Variants in DNAJC17 observed in about 807,000 individuals in gnomAD.
DNAJC17 encodes dnaJ homolog subfamily C member 17.
Under a neutral mutation model 48.1 loss-of-function variants are expected in DNAJC17, and 35 were observed. That is an observed-to-expected ratio of 0.73 (90% confidence interval 0.56 to 0.96). The LOEUF is 0.96. Ranked by LOEUF, DNAJC17 falls within the 50% of genes least tolerant of loss-of-function variation. The probability of loss-of-function intolerance (pLI) is 0.00; values close to 1 mark genes in which losing one functional copy is unlikely to be tolerated. For missense variants in DNAJC17, 355 were observed against 377.1 expected (o/e 0.94, Z 0.48); for synonymous variants, 117 against 142.7 (o/e 0.82, Z 1.28).
In DNAJC17 at chr15:40,767,315, G is replaced by T; in HGVS notation, c.*625C>A. 1 of 1,603,502 alleles carries T rather than the reference G, an allele frequency of 6.2e-7. No individual in the cohort carries two copies. Among genetic ancestry groups the T allele is most frequent in the Non-Finnish European group, 8.5e-7 (1 of 1,175,376 alleles). ...CGTGTGCTGAGCATGACGGGGGTGG[G>T]CCAGACGCTGGTGTGGTGTCTGCAC... On this transcript the variant is annotated 3_prime_UTR_variant, in exon 11 of 11. Transcript: ENST00000220496.
chr15:40,782,095 A>T (rs1270280888), intron 1 of DNAJC17, among the ~76,000 whole-genome samples: 2 of 152,000 alleles, frequency 1.3e-5, no homozygotes, highest in Non-Finnish European at 2.9e-5. Flanking sequence ...GTGTGGTAGC[A>T]TGTGCCTTTG....
At chr15:40,781,153 G>GAAAA (rs11337976) in intron 1 of DNAJC17, among the ~76,000 whole-genome samples, 1 of 88,992 alleles carries the variant, frequency 1.1e-5, no homozygotes, top group Non-Finnish European at 2.3e-5. Context: ...CTCCATCTCA[G>GAAAA]AAAAAAAAAA....
chr15:40,765,192 A>C lies in DNAJC17; in HGVS notation c.*2748T>G, dbSNP rs1334225384. 2.0e-5 allele frequency: 3 copies of C among 152,230 alleles called. No homozygotes were observed. The highest frequency in any genetic ancestry group is 2.9e-5 in the Non-Finnish European group (2 of 68,046). 9.4% of individuals were successfully genotyped at this position (152,230 alleles called of 1,614,324 possible). On this transcript the variant is annotated 3_prime_UTR_variant, in exon 11 of 11. Coordinates refer to ENST00000220496, the MANE Select transcript of DNAJC17 (RefSeq NM_018163.3). ...AAAAGATATGGCTTTATTGATATGT[A>C]ATGTGCATACCATAAATTCTTTGAT... is the stretch of plus-strand genomic sequence containing the variant.
At chr15:40,793,359 CTG>C (rs1208428134) in intron 1 of DNAJC17, among the ~76,000 whole-genome samples, 3 of 152,188 alleles carry the variant, frequency 2.0e-5, no homozygotes, top group South Asian at 4.2e-4. Flanking sequence ...GAGTATATAA[CTG>C]TGTGAGCTGT....
rs200668576 is a variant in DNAJC17, at chr15:40,767,203, C to G, written c.*737G>C. The stretch of plus-strand genomic sequence containing the variant: ...AGCTTGCTGTGTGCCCCTCCTCACC[C>G]CCCCCATCCTGTCTCTTTGCAGTTA... On this transcript the variant is annotated 3_prime_UTR_variant, in exon 11 of 11. Transcript: ENST00000220496. 6.0e-5 allele frequency: 89 copies of G among 1,474,862 alleles called. No individual in the cohort carries two copies. Among genetic ancestry groups the G allele is most frequent in the South Asian group, 3.2e-4 (22 of 69,834 alleles). 91.4% of individuals were successfully genotyped at this position (1,474,862 alleles called of 1,614,324 possible). A position where few individuals can be genotyped will look rare whatever the true frequency, so the allele number is the denominator to read the frequency against.
intron 4 of DNAJC17, 91 bp downstream of exon 4, chr15:40,779,132 T>G: frequency 2.1e-5 from 28 of 1,317,250 alleles, no homozygotes; most frequent in Non-Finnish European, 3.0e-5. Context: ...GGCTTTGAGA[T>G]GAGTTGCTGG....
intron 9 of DNAJC17, 101 bp downstream of exon 9, chr15:40,774,255 C>G (rs1889252385): frequency 7.4e-7 from 1 of 1,348,036 alleles, no homozygotes; most frequent in Non-Finnish European, 1.1e-6. Flanking sequence ...TGGAGATTCC[C>G]TAGGAGTGCA....
At chr15:40,804,150 G>A (rs1403581424) in intron 1 of DNAJC17, among the ~76,000 whole-genome samples, 1 of 151,134 alleles carries the variant, frequency 6.6e-6, no homozygotes, top group Non-Finnish European at 1.5e-5. Context: ...TATATATAGA[G>A]AGAGAGACAG....
intron 8 of DNAJC17, 54 bp from the exon 9 acceptor site, chr15:40,774,490 G>T (rs1011290990): frequency 1.0e-4 from 166 of 1,598,824 alleles, no homozygotes; most frequent in Non-Finnish European, 1.2e-4. Context: ...GGATGGCCCA[G>T]GTCATGCCAG....
intron 1 of DNAJC17, 142 bp downstream of exon 1, chr15:40,807,227 T>C: frequency 6.5e-7 from 1 of 1,544,350 alleles, no homozygotes. Context: ...GGAGCCCGCC[T>C]GCGGAGGGCA....
rs1271648227 is a variant in DNAJC17 at position 40,776,624 on chromosome 15, A to T, written c.299T>A (p.Leu100Gln). The T allele has an allele frequency of 3.7e-6, 6 of 1,613,644 alleles. No individual in the cohort carries two copies. The African/African-American group carries it at 8.0e-5, about 22-fold the overall frequency. The change falls in exon 5 of 11, where the codon CTG (leucine) becomes CAG (glutamine). Residue 100 changes from leucine to glutamine, a missense_variant. Leu to Gln is a moderately radical substitution (Grantham distance 113). Coordinates refer to ENST00000220496, the MANE Select transcript of DNAJC17 (RefSeq NM_018163.3). ...CTGGGCCTGCCGCTCCCGGGCCTCC[A>T]GGTCTAGACACAAGGGTTGAATGAC... ...DEKRKKVKLD[L>Q]EARERQAQAQ...
chr15:40,776,724 C>T, intron 4 of DNAJC17, 97 bp from the exon 5 acceptor site: 1 of 1,211,598 alleles, frequency 8.3e-7, no homozygotes. Flanking sequence ...AAGTCTCAAT[C>T]ACGACGAGAT....
intron 1 of DNAJC17, among the ~76,000 whole-genome samples, chr15:40,797,417 C>CTT (rs869145933): frequency 6.2e-4 from 89 of 143,738 alleles, no homozygotes; most frequent in African/African-American, 2.2e-3. Flanking sequence ...AGATTTCTTT[C>CTT]TTTTTTTTTT....
rs1003025136 is a variant in DNAJC17 at position 40,788,672 on chromosome 15, G to A, written c.79-8675C>T. On this transcript the variant is annotated intron_variant, in intron 1 of 10. Transcript: ENST00000220496. ...GATCATGCCACTGCACTCCAGCCTG[G>A]GCCACAGAGCGAGACTCTGTCTCAA... Among the ~76,000 whole-genome samples the A allele has an allele frequency of 4.3e-4, 65 of 150,678 alleles. 1 individual carries two copies. The highest frequency in any genetic ancestry group is 6.6e-4 in the Non-Finnish European group (45 of 67,674).
intron 1 of DNAJC17, among the ~76,000 whole-genome samples, chr15:40,801,919 C>T (rs765672437): frequency 6.6e-6 from 1 of 152,010 alleles, no homozygotes; most frequent in Non-Finnish European, 1.5e-5. Context: ...CTCCTCTAAA[C>T]ATTCAGCTGA....
chr15:40,767,448 T>C lies in DNAJC17; in HGVS notation c.*492A>G. The C allele has an allele frequency of 7.4e-7, 1 of 1,344,374 alleles. No homozygotes were observed. 83.3% of individuals were successfully genotyped at this position (1,344,374 alleles called of 1,614,324 possible). On this transcript the variant is annotated 3_prime_UTR_variant, in exon 11 of 11. Coordinates refer to ENST00000220496, the MANE Select transcript of DNAJC17 (RefSeq NM_018163.3). The stretch of plus-strand genomic sequence containing the variant: ...CCTCACCGTCTGCCTTGCTCCTCTC[T>C]TCCCAAATCATCACCGCCATGGGCC...
intron 1 of DNAJC17, among the ~76,000 whole-genome samples, chr15:40,801,581 G>C (rs539823423): frequency 6.6e-6 from 1 of 151,856 alleles, no homozygotes; most frequent in African/African-American, 2.4e-5. Flanking sequence ...GTGAAACCCC[G>C]TCTCTACTAA....
At chr15:40,780,141 G>C (rs918373252) in intron 1 of DNAJC17, 144 bp from the exon 2 acceptor site, 1 of 802,854 alleles carries the variant, frequency 1.2e-6, no homozygotes, top group Non-Finnish European at 2.1e-6. Flanking sequence ...AGGGAGACTG[G>C]CAATGGAGGA....
At chr15:40,803,917 G>A (rs942297858) in intron 1 of DNAJC17, among the ~76,000 whole-genome samples, 1 of 151,926 alleles carries the variant, frequency 6.6e-6, no homozygotes, top group Non-Finnish European at 1.5e-5. Flanking sequence ...CCTAGTGGCA[G>A]CTCTTCCATT....
Sources: gnomAD v4.1 joint callset for allele counts (sites outside exome capture counted in the v4.1 genomes callset) on GRCh38, gnomAD v4.1.1 for gene constraint, MANE v1.5 for transcripts, NCBI Gene and HGNC (gene_info 2026-07-23, HGNC 2026-07-21) for gene names.